IKZF1: variants seen among roughly 807,000 people sequenced by gnomAD.
The protein encoded by IKZF1 is DNA-binding protein Ikaros.
In IKZF1, 10 loss-of-function variants were observed where a neutral mutation model predicts 51.7. The observed-to-expected ratio is 0.19, with a 90% CI of 0.12 to 0.33. IKZF1 has a LOEUF of 0.33. IKZF1 is among the 10% of genes least tolerant of loss of function. IKZF1 has a pLI of 1.00. For synonymous variants in IKZF1, 280 were observed against 282.3 expected, an observed-to-expected ratio of 0.99 and a Z score of 0.08; for missense variants, 484 against 707.5, an observed-to-expected ratio of 0.68 and a Z score of 3.58.
chr7:50,340,916 C>T (rs1798913980), intron 3 of IKZF1, among the ~76,000 whole-genome samples: 1 of 152,182 alleles, frequency 6.6e-6, no homozygotes, highest in African/African-American at 2.4e-5. Context: ...GCTGCATTTA[C>T]TCGCAGTTTT....
intron 3 of IKZF1, chr7:50,369,066 T>A (rs1297396963): frequency 4.4e-6 from 1 of 227,004 alleles, no homozygotes; most frequent in Non-Finnish European, 8.8e-6. Context: ...TTTACTGATA[T>A]TCCTTTGATT....
chr7:50,355,413 G>C (rs960781682), intron 3 of IKZF1, among the ~76,000 whole-genome samples: 1 of 152,192 alleles, frequency 6.6e-6, no homozygotes, highest in African/African-American at 2.4e-5. Context: ...GCCAACGCCC[G>C]CCTTGAGGCC....
chr7:50,325,649 C>A (rs1746328872), intron 2 of IKZF1, among the ~76,000 whole-genome samples: 1 of 151,962 alleles, frequency 6.6e-6, no homozygotes. Context: ...GTGGGGGATA[C>A]CTGTGGTCCC....
intron 1 of IKZF1, among the ~76,000 whole-genome samples, chr7:50,305,572 C>A (rs1788590629): frequency 6.6e-6 from 1 of 152,170 alleles, no homozygotes; most frequent in Non-Finnish European, 1.5e-5. Flanking sequence ...AAAACCGTAG[C>A]GATTCCATAG....
chr7:50,394,275 C>G (rs1166937846), intron 7 of IKZF1: 2 of 232,856 alleles, frequency 8.6e-6, no homozygotes, highest in Non-Finnish European at 1.7e-5. Context: ...CCTAAAATAC[C>G]TACCTTACCC....
At chr7:50,398,432 C>T (rs532109295) in intron 7 of IKZF1, among the ~76,000 whole-genome samples, 1 of 152,348 alleles carries the variant, frequency 6.6e-6, no homozygotes, top group South Asian at 2.1e-4. Context: ...AGCCCCTTCT[C>T]CCTTCAGAAC....
chr7:50,306,563 G>A (rs561900071), intron 1 of IKZF1, among the ~76,000 whole-genome samples: 1 of 152,328 alleles, frequency 6.6e-6, no homozygotes, highest in African/African-American at 2.4e-5. Context: ...GAGACCACAA[G>A]GGCTGCAGAT....
In IKZF1 at chr7:50,306,671, C is replaced by T. The variant is rs1016429442; in HGVS notation, c.-15+1749C>T. Among the ~76,000 whole-genome samples the T allele has an allele frequency of 5.9e-5, 9 of 152,280 alleles. No homozygotes were observed. In the South Asian group the frequency reaches 8.3e-4, roughly 14 times the overall value. The stretch of plus-strand genomic sequence containing the variant: ...GGCCGTTTGTAGCCATTTCCTTTGT[C>T]GAAAAACTAAGATCGCAGTGAATGT... On this transcript the variant is annotated intron_variant, in intron 1 of 7. Coordinates refer to ENST00000331340, the MANE Select transcript of IKZF1 (RefSeq NM_006060.6).
chr7:50,348,120 A>G (rs971092733), intron 3 of IKZF1, among the ~76,000 whole-genome samples: 2 of 152,262 alleles, frequency 1.3e-5, no homozygotes, highest in African/African-American at 4.8e-5. Context: ...CTGATATGCC[A>G]GGGACATTTC....
chr7:50,399,516 A>C (rs1817577150), intron 7 of IKZF1, among the ~76,000 whole-genome samples: 1 of 152,034 alleles, frequency 6.6e-6, no homozygotes, highest in African/African-American at 2.4e-5. Context: ...TAAGTTAGCC[A>C]GTTGTAAATT....
chr7:50,368,168 A>G, intron 3 of IKZF1: 1 of 703,580 alleles, frequency 1.4e-6, no homozygotes, highest in Non-Finnish European at 2.6e-6. Flanking sequence ...AGATACATTA[A>G]ATATTCACTG....
At chr7:50,309,223 C>G (rs1331982276) in intron 1 of IKZF1, among the ~76,000 whole-genome samples, 1 of 152,180 alleles carries the variant, frequency 6.6e-6, no homozygotes, top group Non-Finnish European at 1.5e-5. Flanking sequence ...TGCAGTGATT[C>G]ATTTTTCTTC....
chr7:50,327,588 G>A, intron 2 of IKZF1, 50 bp from the exon 3 acceptor site: 2 of 1,536,950 alleles, frequency 1.3e-6, no homozygotes, highest in Non-Finnish European at 1.8e-6. Context: ...GGGAAGCCCA[G>A]GCACCTTGAC....
At chr7:50,392,231 T>G (rs1036380445) in intron 7 of IKZF1, among the ~76,000 whole-genome samples, 12 of 152,182 alleles carry the variant, frequency 7.9e-5, no homozygotes, top group African/African-American at 2.9e-4. Context: ...TCTCAGAGCT[T>G]CAGATCCTCA....
At chr7:50,340,997 A>C (rs1693437836) in intron 3 of IKZF1, among the ~76,000 whole-genome samples, 1 of 152,192 alleles carries the variant, frequency 6.6e-6, no homozygotes, top group Non-Finnish European at 1.5e-5. Context: ...TTTAAGTGTA[A>C]AAATTTCTGT....
chr7:50,363,849 CCTTGCTGTCCTGTCCTGTGA>C (rs1195786470), intron 3 of IKZF1, among the ~76,000 whole-genome samples: 2 of 152,212 alleles, frequency 1.3e-5, no homozygotes, highest in Non-Finnish European at 2.9e-5. Flanking sequence ...TCCACCTCCA[CCTTGCTGTCCTGTCCTGTGA>C]CTCTCACTAG....
intron 3 of IKZF1, among the ~76,000 whole-genome samples, chr7:50,336,813 G>A (rs1797900391): frequency 6.6e-6 from 1 of 152,162 alleles, no homozygotes. Flanking sequence ...CAGTCTGGAA[G>A]GTAGGGATGT....
chr7:50,352,746 G>A (rs1402000243), intron 3 of IKZF1, among the ~76,000 whole-genome samples: 2 of 152,160 alleles, frequency 1.3e-5, no homozygotes, highest in African/African-American at 4.8e-5. Context: ...CTTAAAGGAA[G>A]CCTCCAAGTT....
At position 50,387,455 on chromosome 7, in the gene IKZF1, G is replaced by C. The variant is rs376824019; in HGVS notation, c.700G>C (p.Gly234Arg). 54 of 1,611,042 alleles carry C rather than the reference G, an allele frequency of 3.4e-5. No homozygotes were observed. The highest frequency in any genetic ancestry group is 4.4e-5 in the Non-Finnish European group (52 of 1,178,882). The change falls in exon 6 of 8, where the codon GGC becomes CGC. Residue 234 changes from glycine (G) to arginine (R), a missense_variant. Physicochemically the swap from Gly to Arg is moderately radical, Grantham distance 125. Coordinates refer to ENST00000331340, the MANE Select transcript of IKZF1 (RefSeq NM_006060.6). ...HNYLESMGLP[G>R]TLYPVIKEET... ...CTACTTGGAAAGCATGGGCCTTCCG[G>C]GCACACTGTACCCAGGTAAGCGCTG...
Sources: gnomAD v4.1 joint callset for allele counts (sites outside exome capture counted in the v4.1 genomes callset) on GRCh38, gnomAD v4.1.1 for gene constraint, MANE v1.5 for transcripts, NCBI Gene and HGNC (gene_info 2026-07-23, HGNC 2026-07-21) for gene names.